The following ZDHHC20 variants were observed in gnomAD, a reference collection of about 807,000 sequenced individuals.
ZDHHC20 encodes the protein palmitoyltransferase ZDHHC20.
ZDHHC20 carries 43 observed loss-of-function variants against 57.8 expected under a neutral mutation model. That is an observed-to-expected ratio of 0.74 (90% confidence interval 0.58 to 0.96). ZDHHC20 has a LOEUF of 0.96. ZDHHC20 is among the 40% of genes least tolerant of loss of function. The pLI is 0.00. For missense variants in ZDHHC20, 391 were observed against 441.1 expected (o/e 0.89, Z 1.02); for synonymous variants, 157 against 153.0 (o/e 1.03, Z -0.19).
intron 4 of ZDHHC20, among the ~76,000 whole-genome samples, chr13:21,406,378 T>C (rs1294099277): frequency 6.6e-6 from 1 of 152,230 alleles, no homozygotes; most frequent in East Asian, 1.9e-4. Context: ...TTCTGTTATT[T>C]GTGCTTTTCT....
intron 1 of ZDHHC20, among the ~76,000 whole-genome samples, chr13:21,430,299 C>T (rs957907036): frequency 1.3e-5 from 2 of 152,042 alleles, no homozygotes; most frequent in Non-Finnish European, 2.9e-5. Flanking sequence ...GGCTTCTGCA[C>T]ACATATCTTG....
At chr13:21,448,996 TG>T (rs1189061307) in intron 1 of ZDHHC20, among the ~76,000 whole-genome samples, 4 of 117,668 alleles carry the variant, frequency 3.4e-5, no homozygotes, top group Non-Finnish European at 7.7e-5. Flanking sequence ...AGATGTGCTT[TG>T]TTAAACAGAT....
intron 1 of ZDHHC20, among the ~76,000 whole-genome samples, chr13:21,458,104 T>C (rs117794795): frequency 1.3e-3 from 193 of 152,318 alleles, no homozygotes; most frequent in Admixed American, 2.1e-3. Context: ...GACAAAACAA[T>C]GTTGGAGAAA....
At chr13:21,379,068 C>T (rs1424060874) in intron 11 of ZDHHC20, among the ~76,000 whole-genome samples, 2 of 152,044 alleles carry the variant, frequency 1.3e-5, no homozygotes, top group Non-Finnish European at 2.9e-5. Flanking sequence ...CTAGGCTGGC[C>T]TTAAACTTTG....
At chr13:21,423,452 G>T (rs937922384) in intron 2 of ZDHHC20, among the ~76,000 whole-genome samples, 1 of 152,046 alleles carries the variant, frequency 6.6e-6, no homozygotes, top group Non-Finnish European at 1.5e-5. Flanking sequence ...GGGGCGGGCG[G>T]ATCACTTGAG....
intron 4 of ZDHHC20, among the ~76,000 whole-genome samples, chr13:21,412,733 C>T (rs958353098): frequency 6.6e-5 from 10 of 151,908 alleles, no homozygotes; most frequent in African/African-American, 1.9e-4. Context: ...CTTTGGGAGG[C>T]CAAAGTGGGC....
At position 21,384,457 on chromosome 13, in the gene ZDHHC20, C is replaced by CAAA. The variant is rs11358320; in HGVS notation, c.855-1451_855-1449dup. ...CACTTTGAGACAGAGACTCTATCTC[C>CAAA]AAAAAAAAAAAAAAAAAAAAAAAGA... On this transcript the variant is annotated intron_variant, in intron 9 of 12. Transcript: ENST00000400590. 4.7e-3 allele frequency among the ~76,000 whole-genome samples: 355 copies of CAAA among 76,010 alleles called. 5 individuals carry two copies. The highest frequency in any genetic ancestry group is 6.5e-3 in the Non-Finnish European group (274 of 42,414). 49.9% of individuals were successfully genotyped at this position (76,010 alleles called of 152,430 possible).
intron 2 of ZDHHC20, among the ~76,000 whole-genome samples, chr13:21,423,326 C>T (rs774763776): frequency 3.3e-5 from 5 of 152,338 alleles, no homozygotes; most frequent in Non-Finnish European, 7.4e-5. Flanking sequence ...AATCTGCTCT[C>T]TCTATCCTGT....
At chr13:21,427,059 C>A (rs956140357) in intron 1 of ZDHHC20, among the ~76,000 whole-genome samples, 1 of 152,198 alleles carries the variant, frequency 6.6e-6, no homozygotes, top group African/African-American at 2.4e-5. Context: ...TCTGTAAAGT[C>A]TTCCTGAGTC....
chr13:21,449,690 G>C (rs1884257077), intron 1 of ZDHHC20, among the ~76,000 whole-genome samples: 1 of 151,632 alleles, frequency 6.6e-6, no homozygotes, highest in African/African-American at 2.4e-5. Context: ...TGTGGCCCAG[G>C]CTGGAGAGCA....
intron 9 of ZDHHC20, among the ~76,000 whole-genome samples, chr13:21,384,740 T>C (rs1874142388): frequency 6.6e-6 from 1 of 152,148 alleles, no homozygotes; most frequent in Non-Finnish European, 1.5e-5. Flanking sequence ...TGGTAGAAAT[T>C]CCATTTATTG....
intron 8 of ZDHHC20, among the ~76,000 whole-genome samples, chr13:21,390,778 T>C (rs1158069626): frequency 1.3e-5 from 2 of 151,926 alleles, no homozygotes; most frequent in African/African-American, 4.8e-5. Flanking sequence ...TGCACACCTG[T>C]AGACCCAGCT....
chr13:21,457,135 T>C (rs1387774110), intron 1 of ZDHHC20, among the ~76,000 whole-genome samples: 1 of 152,222 alleles, frequency 6.6e-6, no homozygotes, highest in Non-Finnish European at 1.5e-5. Context: ...TCTCCTTCTT[T>C]ATTTGAAGTG....
intron 1 of ZDHHC20, among the ~76,000 whole-genome samples, chr13:21,448,812 G>A (rs1884138054): frequency 1.1e-5 from 1 of 91,456 alleles, no homozygotes; most frequent in African/African-American, 3.5e-5. Flanking sequence ...GAAATCGGAT[G>A]GTTGCCGTGT....
intron 1 of ZDHHC20, among the ~76,000 whole-genome samples, chr13:21,447,540 TC>T (rs1434721835): frequency 1.4e-5 from 2 of 146,554 alleles, no homozygotes; most frequent in African/African-American, 5.0e-5. Flanking sequence ...AGCCTTGGCC[TC>T]CCGAGGTGCC....
Position 21,381,520 on chromosome 13 carries a change from T to C in ZDHHC20, c.974A>G (p.Lys325Arg). Reference sequence around the variant, plus strand: ...GCGGTTTTTTGATTCACTAAGTGGTTTGATAGGAAAAGGTTGATTTGAGCC... The same window carrying C: ...GCGGTTTTTTGATTCACTAAGTGGTCTGATAGGAAAAGGTTGATTTGAGCC... ...SSGSNQPFPI[K>R]PLSESKNRLL... Residue 325 changes from lysine to arginine, a missense_variant, in exon 11 of 13, where the codon AAA (lysine) becomes AGA (arginine). Physicochemically the swap from Lys to Arg is conservative, Grantham distance 26. Around this residue, in one of 3 missense-constraint regions of ZDHHC20, gnomAD observed 197 missense variants for 220.8 expected, o/e 0.89. Coordinates refer to ENST00000400590, the MANE Select transcript of ZDHHC20 (RefSeq NM_001330059.2). The C allele has an allele frequency of 1.2e-6, 2 of 1,613,746 alleles. No individual in the cohort carries two copies. The highest frequency in any genetic ancestry group is 1.7e-6 in the Non-Finnish European group (2 of 1,179,820).
intron 5 of ZDHHC20, among the ~76,000 whole-genome samples, chr13:21,402,086 G>A (rs74769657): frequency 0.025 from 3,766 of 152,116 alleles, 145 homozygotes; most frequent in African/African-American, 0.082. Flanking sequence ...ACAAAATTCA[G>A]ATCTGGTACA....
In ZDHHC20 at chr13:21,393,189, C is replaced by CTTT. The variant is rs544664779; in HGVS notation, c.595-1338_595-1336dup. Among the ~76,000 whole-genome samples, 5 of 131,554 alleles carry CTTT rather than the reference C, an allele frequency of 3.8e-5. 1 individual carries two copies. In the East Asian group the frequency reaches 8.3e-4, roughly 22 times the overall value. 86.3% of individuals were successfully genotyped at this position (131,554 alleles called of 152,430 possible). ...TTCAAGCACATTTCTTTTCTTTTTT[C>CTTT]TTTTTTTTTTTTTTTAAAGATACAA... On this transcript the variant is annotated intron_variant, in intron 7 of 12. Coordinates refer to ENST00000400590, the MANE Select transcript of ZDHHC20 (RefSeq NM_001330059.2).
At chr13:21,378,866 A>T in intron 11 of ZDHHC20, 128 bp from the exon 12 acceptor site, 1 of 451,754 alleles carries the variant, frequency 2.2e-6, no homozygotes, top group Non-Finnish European at 3.7e-6. Flanking sequence ...TTATGGTGTC[A>T]ACCATTTGTC....
Sources: gnomAD v4.1 joint callset for allele counts (sites outside exome capture counted in the v4.1 genomes callset) on GRCh38, gnomAD v4.1.1 for gene constraint, gnomAD v4.1.1 regional missense constraint, MANE v1.5 for transcripts, NCBI Gene and HGNC (gene_info 2026-07-23, HGNC 2026-07-21) for gene names.